ZNF280B: variants seen among roughly 807,000 people sequenced by gnomAD.
ZNF280B encodes suppressor of hairy wing homolog 2.
In ZNF280B, 16 loss-of-function variants were observed where a neutral mutation model predicts 38.0. The ratio of observed to expected loss-of-function variants is 0.42; its 90% CI spans 0.28 to 0.64. The LOEUF (loss-of-function observed/expected upper bound fraction) is 0.64, where lower values mean the gene tolerates loss of function less well. Ranked by LOEUF, ZNF280B falls within the 30% of genes least tolerant of loss-of-function variation. The pLI is 0.21. For missense variants in ZNF280B, 581 were observed against 639.6 expected, an observed-to-expected ratio of 0.91 and a Z score of 0.99; for synonymous variants, 253 against 230.6, an observed-to-expected ratio of 1.10 and a Z score of -0.88.
Position 22,487,768 on chromosome 22 carries a change from T to C in ZNF280B, c.1631A>G (p.Ter544=). 6.4e-7 allele frequency: 1 copy of C among 1,569,434 alleles called. No homozygotes were observed. The highest frequency in any genetic ancestry group is 8.6e-7 in the Non-Finnish European group (1 of 1,162,464). ...SKSKISKKSH[*] ...GCTTTAGATTTACTGAAACTAGAATTAATGGGACTTTTTTGAAATTTTGCT... is the reference window on the plus strand; with the variant it reads ...GCTTTAGATTTACTGAAACTAGAATCAATGGGACTTTTTTGAAATTTTGCT... The change falls in exon 4 of 4, where the codon TAA becomes TGA. Residue 544 remains the stop codon, a stop_retained_variant. Transcript: ENST00000626650.
intron 2 of ZNF280B, among the ~76,000 whole-genome samples, 158 bp downstream of exon 2, chr22:22,507,652 A>C (rs1421728528): frequency 6.6e-6 from 1 of 151,870 alleles, no homozygotes; most frequent in Non-Finnish European, 1.5e-5. Context: ...ACCTACATCA[A>C]CAATTGGCCT....
At chr22:22,490,949 TA>T (rs2061582079) in intron 3 of ZNF280B, among the ~76,000 whole-genome samples, 1 of 151,818 alleles carries the variant, frequency 6.6e-6, no homozygotes, top group South Asian at 2.1e-4. Flanking sequence ...CCCACATTCC[TA>T]ATCTCTTTTC....
At chr22:22,492,718 C>T (rs762699712) in intron 3 of ZNF280B, among the ~76,000 whole-genome samples, 16 of 151,644 alleles carry the variant, frequency 1.1e-4, no homozygotes, top group Admixed American at 4.6e-4. Flanking sequence ...AACCCTGTCT[C>T]TACTAAAAAT....
At chr22:22,499,986 A>C (rs1257352677) in intron 2 of ZNF280B, among the ~76,000 whole-genome samples, 3 of 152,002 alleles carry the variant, frequency 2.0e-5, no homozygotes, top group Admixed American at 2.0e-4. Flanking sequence ...TGATACACAA[A>C]AGACCAAGTA....
intron 3 of ZNF280B, among the ~76,000 whole-genome samples, chr22:22,491,457 C>CTTTTTTTTTTTTTTTTT: frequency 8.8e-6 from 1 of 113,980 alleles, no homozygotes; most frequent in Non-Finnish European, 1.9e-5. Context: ...TGTCTTTTTT[C>CTTTTTTTTTTTTTTTTT]TTTTTTTTTT....
At position 22,488,601 on chromosome 22, in the gene ZNF280B, A is replaced by G. The variant is rs752936380; in HGVS notation, c.798T>C (p.Ser266=). The change falls in exon 4 of 4, where the codon AGT becomes AGC. Residue 266 remains serine (S), a synonymous_variant. Coordinates refer to ENST00000626650, the MANE Select transcript of ZNF280B (RefSeq NM_080764.4). ...CAAAGGTCTTGTTTTGACTTGTTAG[A>G]CTCAAAATGTCTGTTTTTGCCAATT... ...ANELAKTDIL[S]LTSQNKTFDP... The G allele has an allele frequency of 1.2e-6, 2 of 1,613,800 alleles. No homozygotes were observed. The highest frequency in any genetic ancestry group is 1.7e-6 in the Non-Finnish European group (2 of 1,179,962).
At chr22:22,502,378 T>TTGGC (rs1483644221) in intron 2 of ZNF280B, among the ~76,000 whole-genome samples, 1 of 151,902 alleles carries the variant, frequency 6.6e-6, no homozygotes, top group Non-Finnish European at 1.5e-5. Flanking sequence ...TTGGAAAAGT[T>TTGGC]TGGCAATTGC....
At chr22:22,497,296 C>T (rs2061721596) in intron 2 of ZNF280B, among the ~76,000 whole-genome samples, 2 of 139,248 alleles carry the variant, frequency 1.4e-5, no homozygotes, top group Admixed American at 7.6e-5. Flanking sequence ...TTTGGGAGGC[C>T]GAGGTAGGCA....
At chr22:22,503,716 T>C (rs375614254) in intron 2 of ZNF280B, among the ~76,000 whole-genome samples, 3 of 152,088 alleles carry the variant, frequency 2.0e-5, no homozygotes, top group African/African-American at 7.2e-5. Context: ...AAGACAGTTA[T>C]AGTTTAAACT....
At chr22:22,508,999 G>C (rs2061998811), upstream of ZNF280B, 1 of 154,282 alleles carries the variant, frequency 6.5e-6, no homozygotes, top group South Asian at 2.0e-4. Flanking sequence ...CAGGGTTCCA[G>C]AGCTGAGGGG....
chr22:22,490,133 C>T (rs890918321), intron 3 of ZNF280B, among the ~76,000 whole-genome samples: 2 of 151,864 alleles, frequency 1.3e-5, no homozygotes, highest in East Asian at 3.9e-4. Context: ...TAATCTCATC[C>T]CAACTCATGG....
At chr22:22,496,617 C>T (rs575413545) in intron 2 of ZNF280B, among the ~76,000 whole-genome samples, 3 of 151,060 alleles carry the variant, frequency 2.0e-5, no homozygotes, top group East Asian at 2.0e-4. Flanking sequence ...AGATAGCAAA[C>T]GTGTAGAGTT....
Position 22,488,399 on chromosome 22 carries a change from G to T in ZNF280B, c.1000C>A (p.Gln334Lys). ...TGGTTTTCCCAGCTGTCGTTCCTCT[G>T]CTTCTCAAATTCCAAATGATGCTTC... is the stretch of plus-strand genomic sequence containing the variant. ...HVKHHLEFEK[Q>K]RNDSWENHTT... Residue 334 changes from glutamine to lysine, a missense_variant, in exon 4 of 4, where the codon CAG (glutamine) becomes AAG (lysine). Transcript: ENST00000626650. 6.2e-7 allele frequency: 1 copy of T among 1,613,880 alleles called. No individual in the cohort carries two copies. Among genetic ancestry groups the T allele is most frequent in the Non-Finnish European group, 8.5e-7 (1 of 1,179,996 alleles).
At chr22:22,501,436 C>A (rs141526421) in intron 2 of ZNF280B, among the ~76,000 whole-genome samples, 1 of 151,530 alleles carries the variant, frequency 6.6e-6, no homozygotes, top group African/African-American at 2.4e-5. Flanking sequence ...TGGTGGCACG[C>A]GCCTGTAATC....
chr22:22,502,962 C>T (rs915432050), intron 2 of ZNF280B, among the ~76,000 whole-genome samples: 2 of 151,928 alleles, frequency 1.3e-5, no homozygotes, highest in Admixed American at 6.6e-5. Context: ...AGATTTCACA[C>T]ATACTCTAGG....
Position 22,489,312 on chromosome 22 carries a change from C to CTCAA in ZNF280B, c.86_87insTTGA (p.Glu29AspfsTer2). The stretch of plus-strand genomic sequence containing the variant: ...CATGTTCCACACCAACAAAGATGAG[C>CTCAA]TCAGCATCTTCGTCATCTACTTGTT... On this transcript the variant is annotated stop_gained and frameshift_variant, in exon 4 of 4. Transcript: ENST00000626650. LOFTEE classifies it high-confidence loss of function. The CTCAA allele has an allele frequency of 1.2e-6, 2 of 1,613,806 alleles. No individual in the cohort carries two copies. The highest frequency in any genetic ancestry group is 8.5e-7 in the Non-Finnish European group (1 of 1,179,946).
In ZNF280B at chr22:22,489,135, A is replaced by G. The variant is rs1198417766; in HGVS notation, c.264T>C (p.Pro88=). ...LRKDTARKLQ[P]KSHETVTSEA... Reference sequence around the variant, plus strand: ...CTGATGTAACGGTCTCATGACTTTTAGGCTGCAATTTGCGAGCAGTATCTT... The same window carrying G: ...CTGATGTAACGGTCTCATGACTTTTGGGCTGCAATTTGCGAGCAGTATCTT... The change falls in exon 4 of 4, where the codon CCT becomes CCC. Residue 88 remains proline, a synonymous_variant. Transcript: ENST00000626650. 6.2e-7 allele frequency: 1 copy of G among 1,613,860 alleles called. No homozygotes were observed. Among genetic ancestry groups the G allele is most frequent in the Non-Finnish European group, 8.5e-7 (1 of 1,179,952 alleles).
At chr22:22,505,522 T>C (rs576409814) in intron 2 of ZNF280B, among the ~76,000 whole-genome samples, 1 of 151,656 alleles carries the variant, frequency 6.6e-6, no homozygotes, top group African/African-American at 2.4e-5. Flanking sequence ...GCTGAGATCA[T>C]GCCACTGCAC....
chr22:22,499,558 T>C (rs961671902), intron 2 of ZNF280B, among the ~76,000 whole-genome samples: 10 of 151,990 alleles, frequency 6.6e-5, no homozygotes, highest in Non-Finnish European at 1.0e-4. Flanking sequence ...TGAGCCACCA[T>C]GCCCAGCCTA....
Sources: gnomAD v4.1 joint callset for allele counts (sites outside exome capture counted in the v4.1 genomes callset) on GRCh38, gnomAD v4.1.1 for gene constraint, MANE v1.5 for transcripts, NCBI Gene and HGNC (gene_info 2026-07-23, HGNC 2026-07-21) for gene names.